Variants in PRKCQ observed in about 807,000 individuals in gnomAD.
PRKCQ encodes protein kinase C theta type.
Under a neutral mutation model 91.2 loss-of-function variants are expected in PRKCQ, and 41 were observed. The ratio of observed to expected loss-of-function variants is 0.45; its 90% CI spans 0.35 to 0.58. The LOEUF is 0.58. Among genes scored for constraint, PRKCQ ranks in the 20% least tolerant of loss-of-function variants. The pLI, the probability that PRKCQ is intolerant of heterozygous loss-of-function variation, is 0.00. For synonymous variants in PRKCQ, 307 were observed against 316.9 expected (o/e 0.97, Z 0.33); for missense variants, 673 against 896.5 (o/e 0.75, Z 3.18).
intron 1 of PRKCQ, among the ~76,000 whole-genome samples, chr10:6,553,205 T>C (rs1840256237): frequency 6.6e-6 from 1 of 152,198 alleles, no homozygotes; most frequent in African/African-American, 2.4e-5. Flanking sequence ...AATGATCTCC[T>C]GGACCACACT....
chr10:6,469,802 A>C (rs1229811930), intron 12 of PRKCQ, among the ~76,000 whole-genome samples: 2 of 152,174 alleles, frequency 1.3e-5, no homozygotes, highest in Non-Finnish European at 2.9e-5. Flanking sequence ...TAAGGAAAAC[A>C]AAAGAACATA....
At position 6,511,064 on chromosome 10, in the gene PRKCQ, A is replaced by G. The variant is rs143371778; in HGVS notation, c.249T>C (p.Ser83=). The stretch of plus-strand genomic sequence containing the variant: ...GCGAGTAGAGCTCCACGGTGGTTTC[A>G]GAGATGAGGTCCACGTTTTTGCCTT... ...IVKGKNVDLI[S]ETTVELYSLA... is the part of the protein sequence containing the mutation. Residue 83 remains serine (S), a synonymous_variant, in exon 3 of 18, where the codon TCT becomes TCC. Coordinates refer to ENST00000263125, the MANE Select transcript of PRKCQ (RefSeq NM_006257.5). 95 of 1,614,152 alleles carry G rather than the reference A, an allele frequency of 5.9e-5. No homozygotes were observed. The Middle Eastern group carries it at 6.6e-4, about 11-fold the overall frequency.
intron 16 of PRKCQ, among the ~76,000 whole-genome samples, chr10:6,440,129 T>C (rs577783397): frequency 6.6e-6 from 1 of 152,306 alleles, no homozygotes; most frequent in African/African-American, 2.4e-5. Flanking sequence ...AAGAGGTGCC[T>C]TCTGCCATGA....
chr10:6,505,039 A>G (rs2130841599), intron 4 of PRKCQ, among the ~76,000 whole-genome samples: 1 of 151,998 alleles, frequency 6.6e-6, no homozygotes, highest in South Asian at 2.1e-4. Flanking sequence ...GACTACAGGC[A>G]CACACTGCCA....
At position 6,428,230 on chromosome 10, in the gene PRKCQ, C is replaced by T. The variant is rs748100103; in HGVS notation, c.2098G>A (p.Gly700Arg). ...ATTCAGGATATCAGCCGCTCCATCCCGGGGTTCATGAAGGAAAAGTTCCTG... is the reference window on the plus strand; with the variant it reads ...ATTCAGGATATCAGCCGCTCCATCCTGGGGTTCATGAAGGAAAAGTTCCTG... Reference protein sequence around the residue: ...MFRNFSFMNPGMERLIS With the variant: ...MFRNFSFMNPRMERLIS The change falls in exon 18 of 18, where the codon GGG (glycine) becomes AGG (arginine). Residue 700 changes from glycine (G) to arginine (R), a missense_variant. By Grantham distance (125) the Gly-to-Arg change is moderately radical (BLOSUM62 -2). Transcript: ENST00000263125. The T allele has an allele frequency of 1.7e-5, 27 of 1,614,166 alleles. No individual in the cohort carries two copies. The highest frequency in any genetic ancestry group is 1.6e-4 in the Middle Eastern group (1 of 6,062).
intron 1 of PRKCQ, among the ~76,000 whole-genome samples, chr10:6,519,774 T>A (rs754032000): frequency 1.3e-5 from 2 of 152,188 alleles, no homozygotes; most frequent in Non-Finnish European, 2.9e-5. Context: ...GGACATATGT[T>A]TACCCCTGGC....
chr10:6,491,698 C>G lies in PRKCQ; in HGVS notation c.775G>C (p.Gly259Arg), dbSNP rs1308648752. The G allele has an allele frequency of 6.2e-7, 1 of 1,614,192 alleles. No homozygotes were observed. The highest frequency in any genetic ancestry group is 8.5e-7 in the Non-Finnish European group (1 of 1,180,026). ...CTGGACTCACCATCACACTTGAGTC[C>G]TTGCCGTGCCAGTCCCCACAGCAGG... The part of the protein sequence containing the change: ...GTLLWGLARQ[G>R]LKCDACGMNV... The change falls in exon 8 of 18, where the codon GGA (glycine) becomes CGA (arginine). Residue 259 changes from glycine to arginine, a missense_variant. Coordinates refer to ENST00000263125, the MANE Select transcript of PRKCQ (RefSeq NM_006257.5).
At chr10:6,431,957 G>T (rs922481491) in intron 16 of PRKCQ, among the ~76,000 whole-genome samples, 1 of 152,184 alleles carries the variant, frequency 6.6e-6, no homozygotes, top group Non-Finnish European at 1.5e-5. Flanking sequence ...AAGAAACTTG[G>T]ATATTTTTCA....
intron 1 of PRKCQ, among the ~76,000 whole-genome samples, chr10:6,540,462 C>A (rs571387675): frequency 6.6e-6 from 1 of 152,172 alleles, no homozygotes. Context: ...ACTCTAGGAA[C>A]CTCGTATAAG....
intron 1 of PRKCQ, among the ~76,000 whole-genome samples, chr10:6,572,880 C>A (rs2130980125): frequency 6.6e-6 from 1 of 152,194 alleles, no homozygotes; most frequent in South Asian, 2.1e-4. Context: ...TATTTCTCTG[C>A]AACTTTGCCA....
intron 11 of PRKCQ, among the ~76,000 whole-genome samples, chr10:6,482,290 G>A (rs910674872): frequency 6.6e-6 from 1 of 152,076 alleles, no homozygotes; most frequent in Admixed American, 6.5e-5. Context: ...CAATATGACT[G>A]GTGTTTTCAC....
At chr10:6,480,751 G>A (rs1049201210) in intron 11 of PRKCQ, among the ~76,000 whole-genome samples, 5 of 152,178 alleles carry the variant, frequency 3.3e-5, no homozygotes, top group Non-Finnish European at 7.3e-5. Context: ...TGACTTTTGG[G>A]AAAGGCCGAA....
the PRKCQ span, among the ~76,000 whole-genome samples, chr10:6,404,593 T>C: frequency 7.1e-6 from 1 of 141,586 alleles, no homozygotes; most frequent in Non-Finnish European, 1.5e-5. Flanking sequence ...CTTTCTTTTT[T>C]TCTCTCTCTC....
At chr10:6,498,268 C>T in intron 5 of PRKCQ, 128 bp downstream of exon 5, 2 of 1,241,518 alleles carry the variant, frequency 1.6e-6, no homozygotes, top group South Asian at 1.4e-5. Context: ...AGGCAAGGTC[C>T]CTGACAACGC....
intron 1 of PRKCQ, among the ~76,000 whole-genome samples, chr10:6,518,113 T>C (rs1838846664): frequency 2.0e-5 from 3 of 152,202 alleles, no homozygotes; most frequent in Non-Finnish European, 1.5e-5. Context: ...TTGATTGTTC[T>C]AGTGGTCACA....
At chr10:6,427,056 T>A (rs1367231827), downstream of PRKCQ, 1 of 152,140 alleles carries the variant, frequency 6.6e-6, no homozygotes, top group Admixed American at 6.6e-5. Flanking sequence ...CTGTAAAACA[T>A]CATCTCAATG....
chr10:6,513,687 G>A (rs1838609150), intron 2 of PRKCQ, among the ~76,000 whole-genome samples: 1 of 152,206 alleles, frequency 6.6e-6, no homozygotes. Context: ...GATTCAGACA[G>A]TCTCTCTGGC....
chr10:6,549,624 C>CTG (rs1554782021), intron 1 of PRKCQ, among the ~76,000 whole-genome samples: 74 of 124,400 alleles, frequency 5.9e-4, no homozygotes, highest in Non-Finnish European at 5.8e-4. Context: ...TAAAATTCAT[C>CTG]TTTTTTTTTT....
intron 1 of PRKCQ, among the ~76,000 whole-genome samples, chr10:6,566,470 C>T (rs573288582): frequency 2.6e-5 from 4 of 152,214 alleles, no homozygotes; most frequent in Non-Finnish European, 4.4e-5. Flanking sequence ...CCTAGACATC[C>T]CCCTAATGCA....
Sources: gnomAD v4.1 joint callset for allele counts (sites outside exome capture counted in the v4.1 genomes callset) on GRCh38, gnomAD v4.1.1 for gene constraint, MANE v1.5 for transcripts, NCBI Gene and HGNC (gene_info 2026-07-23, HGNC 2026-07-21) for gene names.